The following SLC25A48 variants were observed in gnomAD, a reference collection of about 807,000 sequenced individuals.
The protein encoded by SLC25A48 is solute carrier family 25 member 48, also known as CTC-321K16.1.
SLC25A48 carries 29 observed loss-of-function variants against 32.2 expected under a neutral mutation model. The ratio of observed to expected loss-of-function variants is 0.90; its 90% CI spans 0.67 to 1.23. The LOEUF (loss-of-function observed/expected upper bound fraction) is 1.23, where lower values mean the gene tolerates loss of function less well. Ranked by LOEUF, SLC25A48 falls within the 50% of genes most tolerant of loss-of-function variation. The pLI, the probability that SLC25A48 is intolerant of heterozygous loss-of-function variation, is 0.00. For synonymous variants in SLC25A48, 164 were observed against 172.3 expected, an observed-to-expected ratio of 0.95 and a Z score of 0.38; for missense variants, 399 against 422.7, an observed-to-expected ratio of 0.94 and a Z score of 0.49.
intron 1 of SLC25A48, among the ~76,000 whole-genome samples, chr5:135,603,666 A>C (rs1364396758): frequency 6.6e-6 from 1 of 152,248 alleles, no homozygotes; most frequent in Non-Finnish European, 1.5e-5. Context: ...TTAGTGCCCA[A>C]GGAAGGGGGT....
At chr5:135,861,307 A>ACACATG (rs1343029434) in intron 4 of SLC25A48, among the ~76,000 whole-genome samples, 2 of 128,336 alleles carry the variant, frequency 1.6e-5, no homozygotes, top group African/African-American at 6.8e-5. Context: ...TCCATCAAAT[A>ACACATG]CACACGCACA....
intron 3 of SLC25A48, among the ~76,000 whole-genome samples, chr5:135,744,220 C>G (rs1755580395): frequency 6.6e-6 from 1 of 152,182 alleles, no homozygotes; most frequent in Non-Finnish European, 1.5e-5. Context: ...CCTGGAACCT[C>G]TCCAGGGAGC....
intron 7 of SLC25A48, chr5:135,883,239 G>A (rs1230743844): frequency 2.0e-6 from 2 of 985,440 alleles, no homozygotes; most frequent in Non-Finnish European, 2.4e-6. Flanking sequence ...GGGCAGCGGA[G>A]CTTCTGCCTT....
At chr5:135,742,576 G>C in intron 3 of SLC25A48, 1 of 1,233,584 alleles carries the variant, frequency 8.1e-7, no homozygotes, top group South Asian at 1.3e-5. Context: ...TTTTCTCTTT[G>C]ATTTCCTCTA....
intron 1 of SLC25A48, among the ~76,000 whole-genome samples, chr5:135,597,275 A>G (rs1751677112): frequency 6.6e-6 from 1 of 152,210 alleles, no homozygotes; most frequent in African/African-American, 2.4e-5. Context: ...AAGGGATTGG[A>G]TACAGGGAAT....
chr5:135,630,945 C>A (rs1211965600), intron 2 of SLC25A48, among the ~76,000 whole-genome samples: 1 of 152,122 alleles, frequency 6.6e-6, no homozygotes, highest in Admixed American at 6.5e-5. Flanking sequence ...AGGTACTTAA[C>A]AATAACGCTC....
In SLC25A48 at chr5:135,880,040, G is replaced by C; in HGVS notation, c.886G>C (p.Glu296Gln). Residue 296 changes from glutamate to glutamine, a missense_variant, in exon 7 of 8, where the codon GAG (glutamate) becomes CAG (glutamine). Glu to Gln is a conservative substitution (Grantham distance 29). Coordinates refer to ENST00000681962, the MANE Select transcript of SLC25A48 (RefSeq NM_001349336.2). ...PMSAAMFLGY[E>Q]LSLQAIRGDH... ...GAGTGCGGCCATGTTCCTTGGGTAC[G>C]AGCTGTCGCTGCAGGCTATCCGCGG... 5 of 1,536,258 alleles carry C rather than the reference G, an allele frequency of 3.3e-6. No homozygotes were observed. Among genetic ancestry groups the C allele is most frequent in the Non-Finnish European group, 4.4e-6 (5 of 1,146,934 alleles).
intron 3 of SLC25A48, among the ~76,000 whole-genome samples, chr5:135,750,504 G>A (rs973479614): frequency 5.3e-5 from 8 of 152,166 alleles, no homozygotes; most frequent in Non-Finnish European, 1.2e-4. Context: ...GCTGGGAAGT[G>A]GCAGTCACTT....
chr5:135,842,517 C>T, intron 2 of SLC25A48, 58 bp downstream of exon 2: 1 of 1,511,016 alleles, frequency 6.6e-7, no homozygotes, highest in Non-Finnish European at 9.2e-7. Flanking sequence ...TGACCTGCCT[C>T]TGGGACTATT....
chr5:135,746,462 G>A (rs184355991), intron 3 of SLC25A48: 45 of 228,154 alleles, frequency 2.0e-4, no homozygotes, highest in Admixed American at 1.9e-3. Flanking sequence ...CCATTCTGTC[G>A]CCTTTGCTGC....
At chr5:135,688,019 A>G (rs1191457690) in intron 3 of SLC25A48, among the ~76,000 whole-genome samples, 1 of 8,056 alleles carries the variant, frequency 1.2e-4, no homozygotes. Flanking sequence ...TTCAGAACTC[A>G]TTCATCTTGT....
chr5:135,771,901 A>G (rs896095701), intron 3 of SLC25A48, among the ~76,000 whole-genome samples: 2 of 150,972 alleles, frequency 1.3e-5, no homozygotes, highest in African/African-American at 4.9e-5. Flanking sequence ...AGAGGATGCT[A>G]TTACTTCCAA....
intron 3 of SLC25A48, among the ~76,000 whole-genome samples, chr5:135,765,225 T>G (rs1756177711): frequency 6.7e-6 from 1 of 149,846 alleles, no homozygotes; most frequent in East Asian, 2.0e-4. Flanking sequence ...GGGTGGGAGA[T>G]GGTGATATTA....
chr5:135,871,528 C>T lies in SLC25A48; in HGVS notation c.489C>T (p.His163=), dbSNP rs771695702. The T allele has an allele frequency of 1.2e-6, 2 of 1,613,554 alleles. No individual in the cohort carries two copies. Among genetic ancestry groups the T allele is most frequent in the Admixed American group, 3.3e-5 (2 of 59,998 alleles). Reference sequence around the variant, plus strand: ...AGCCAGCATACCAGGGGCCAGTGCACTGCATTACAACCATTGTGAGGAATG... The same window carrying T: ...AGCCAGCATACCAGGGGCCAGTGCATTGCATTACAACCATTGTGAGGAATG... ...AEQPAYQGPV[H]CITTIVRNEG... is the part of the protein sequence containing the mutation. Residue 163 remains histidine (H), a synonymous_variant, in exon 5 of 8, where the codon CAC becomes CAT. Coordinates refer to ENST00000681962, the MANE Select transcript of SLC25A48 (RefSeq NM_001349336.2).
In SLC25A48 at chr5:135,762,291, G is replaced by A. The variant is rs151299292; in HGVS notation, c.-520-50232G>A. Reference sequence around the variant, plus strand: ...TGCATGAGGTGCAGGGAGAGGCAAGGGCCCAATCTGCTGTTATTTGCTGAA... The same window carrying A: ...TGCATGAGGTGCAGGGAGAGGCAAGAGCCCAATCTGCTGTTATTTGCTGAA... On this transcript the variant is annotated intron_variant, in intron 3 of 10. Transcript: ENST00000646290. 1.8e-3 allele frequency among the ~76,000 whole-genome samples: 278 copies of A among 152,256 alleles called. 1 individual carries two copies. The highest frequency in any genetic ancestry group is 6.2e-3 in the African/African-American group (258 of 41,566).
At chr5:135,781,571 C>T (rs1314746806) in intron 3 of SLC25A48, among the ~76,000 whole-genome samples, 6 of 117,120 alleles carry the variant, frequency 5.1e-5, no homozygotes, top group African/African-American at 1.3e-4. Flanking sequence ...TTCCCAATAT[C>T]GCAGTGGGTG....
intron 1 of SLC25A48, among the ~76,000 whole-genome samples, chr5:135,608,955 T>C (rs1344244105): frequency 1.3e-5 from 2 of 152,232 alleles, no homozygotes; most frequent in East Asian, 3.8e-4. Flanking sequence ...CCTTTATCTA[T>C]GGATATCTGC....
At chr5:135,874,245 C>G in intron 6 of SLC25A48, 91 bp downstream of exon 6, 2 of 1,333,854 alleles carry the variant, frequency 1.5e-6, no homozygotes, top group South Asian at 4.0e-5. Flanking sequence ...AGAAGGGAAT[C>G]AGGAGACCAG....
At chr5:135,605,907 A>G (rs1279614388) in intron 1 of SLC25A48, among the ~76,000 whole-genome samples, 3 of 152,216 alleles carry the variant, frequency 2.0e-5, no homozygotes, top group African/African-American at 7.2e-5. Flanking sequence ...TGAAGCCAGC[A>G]TTTTACATGT....
Sources: gnomAD v4.1 joint callset for allele counts (sites outside exome capture counted in the v4.1 genomes callset) on GRCh38, gnomAD v4.1.1 for gene constraint, MANE v1.5 for transcripts, NCBI Gene and HGNC (gene_info 2026-07-23, HGNC 2026-07-21) for gene names.